The following SH3RF1 variants were observed in gnomAD, a reference collection of about 807,000 sequenced individuals.
SH3RF1 encodes SH3 domain containing ring finger 1, also known as E3 ubiquitin-protein ligase SH3RF1.
SH3RF1 carries 32 observed loss-of-function variants against 74.0 expected under a neutral mutation model. The observed-to-expected ratio is 0.43, with a 90% CI of 0.33 to 0.58. The LOEUF is 0.58. Among genes scored for constraint, SH3RF1 ranks in the 20% least tolerant of loss-of-function variants. The pLI, the probability that SH3RF1 is intolerant of heterozygous loss-of-function variation, is 0.05. For missense variants in SH3RF1, 954 were observed against 1,130.9 expected (o/e 0.84, Z 2.24); for synonymous variants, 396 against 439.6 (o/e 0.90, Z 1.24).
chr4:169,209,134 C>G (rs1181736878), intron 2 of SH3RF1, among the ~76,000 whole-genome samples: 1 of 151,858 alleles, frequency 6.6e-6, no homozygotes, highest in African/African-American at 2.4e-5. Context: ...ACTAAAAATA[C>G]AAAAATCAGC....
At chr4:169,213,247 A>G (rs545040080) in intron 2 of SH3RF1, among the ~76,000 whole-genome samples, 1 of 152,334 alleles carries the variant, frequency 6.6e-6, no homozygotes, top group South Asian at 2.1e-4. Flanking sequence ...ACCTGGTGGT[A>G]GCTCACTTTA....
chr4:169,131,759 G>T (rs944446140), intron 5 of SH3RF1, among the ~76,000 whole-genome samples: 7 of 151,776 alleles, frequency 4.6e-5, no homozygotes, highest in Admixed American at 3.9e-4. Context: ...TAACCAATCA[G>T]CCATTTGCAT....
At chr4:169,266,016 G>A (rs1731347352) in intron 2 of SH3RF1, among the ~76,000 whole-genome samples, 7 of 152,016 alleles carry the variant, frequency 4.6e-5, no homozygotes, top group Admixed American at 3.3e-4. Context: ...CTCTCCCTAT[G>A]GCTCATTCCA....
At chr4:169,171,435 T>G (rs949177618) in intron 2 of SH3RF1, among the ~76,000 whole-genome samples, 1 of 152,210 alleles carries the variant, frequency 6.6e-6, no homozygotes. Flanking sequence ...ACAGACCGTA[T>G]TCAGGCACAT....
intron 2 of SH3RF1, among the ~76,000 whole-genome samples, chr4:169,263,238 C>T (rs1489839850): frequency 1.3e-5 from 2 of 152,196 alleles, no homozygotes; most frequent in African/African-American, 2.4e-5. Flanking sequence ...TTTGACCATG[C>T]ACTTAATCCA....
intron 4 of SH3RF1, among the ~76,000 whole-genome samples, chr4:169,151,761 T>G (rs1733980352): frequency 6.6e-6 from 1 of 152,240 alleles, no homozygotes; most frequent in African/African-American, 2.4e-5. Context: ...ACTTTTTTGG[T>G]GTTGAAAAAC....
chr4:169,170,326 T>C (rs1266088835), intron 2 of SH3RF1, among the ~76,000 whole-genome samples: 1 of 152,194 alleles, frequency 6.6e-6, no homozygotes, highest in Non-Finnish European at 1.5e-5. Context: ...CAAGAGCCCA[T>C]GCGTGCACCT....
chr4:169,152,278 C>G (rs550981724), intron 4 of SH3RF1, among the ~76,000 whole-genome samples: 2 of 152,006 alleles, frequency 1.3e-5, no homozygotes, highest in Admixed American at 6.6e-5. Context: ...GCAAGAGAAC[C>G]CTTACCCTTA....
intron 6 of SH3RF1, among the ~76,000 whole-genome samples, chr4:169,128,885 C>T (rs1310322146): frequency 6.6e-6 from 1 of 152,232 alleles, no homozygotes; most frequent in Non-Finnish European, 1.5e-5. Context: ...CCAGGCCCAA[C>T]TTGCAACAGC....
rs559324215 is a variant in SH3RF1, at chr4:169,203,887, T to A, written c.394-47208A>T. On this transcript the variant is annotated intron_variant, in intron 2 of 11. Coordinates refer to ENST00000284637, the MANE Select transcript of SH3RF1 (RefSeq NM_020870.4). ...CACTGGTACTAAACAGATAGGGTTT[T>A]AAAGTCTGGTTGCACTACTAATTAG... 7.9e-5 allele frequency: 12 copies of A among 152,358 alleles called. No homozygotes were observed. In the South Asian group the frequency reaches 1.9e-3, roughly 24 times the overall value. The allele number at this position is 152,358 out of a possible 1,614,324, so 9.4% of individuals were successfully genotyped here. A position where few individuals can be genotyped will look rare whatever the true frequency, so the allele number is the denominator to read the frequency against.
chr4:169,103,519 T>A (rs145201422), intron 11 of SH3RF1, among the ~76,000 whole-genome samples: 13 of 152,352 alleles, frequency 8.5e-5, no homozygotes, highest in African/African-American at 3.1e-4. Context: ...TAAAAGTTAA[T>A]CTTTCCTTCA....
At chr4:169,210,114 A>G (rs769452674) in intron 2 of SH3RF1, among the ~76,000 whole-genome samples, 1 of 152,082 alleles carries the variant, frequency 6.6e-6, no homozygotes, top group Non-Finnish European at 1.5e-5. Flanking sequence ...CCATTTTATT[A>G]GTTCTCAAAC....
chr4:169,131,406 T>G (rs1167508006), intron 5 of SH3RF1, among the ~76,000 whole-genome samples: 2 of 152,212 alleles, frequency 1.3e-5, no homozygotes, highest in African/African-American at 4.8e-5. Flanking sequence ...AGACAGGGAC[T>G]CACTATGTCA....
At chr4:169,162,392 T>C (rs554395228) in intron 2 of SH3RF1, among the ~76,000 whole-genome samples, 56 of 152,314 alleles carry the variant, frequency 3.7e-4, no homozygotes, top group Admixed American at 7.2e-4. Context: ...CCAAGACGAA[T>C]ATTAAAGGTT....
At chr4:169,267,783 C>T (rs1731377660) in intron 2 of SH3RF1, among the ~76,000 whole-genome samples, 1 of 152,276 alleles carries the variant, frequency 6.6e-6, no homozygotes, top group East Asian at 1.9e-4. Context: ...TCCCAATGGG[C>T]AGTTCCTGTA....
chr4:169,227,290 T>C (rs1364865245), intron 2 of SH3RF1, among the ~76,000 whole-genome samples: 1 of 152,228 alleles, frequency 6.6e-6, no homozygotes, highest in Non-Finnish European at 1.5e-5. Context: ...CAAAAAACTC[T>C]GAATTAAACA....
rs559543197 is a variant in SH3RF1 at position 169,224,958 on chromosome 4, G to C, written c.393+43862C>G. ...TCTCATTCTGTAACAGGGTGCCCAA[G>C]GGTTTTATACTTTAAGCAGAGTAAT... On this transcript the variant is annotated intron_variant, in intron 2 of 11. Transcript: ENST00000284637. 3.9e-5 allele frequency among the ~76,000 whole-genome samples: 6 copies of C among 152,304 alleles called. No homozygotes were observed. The South Asian group carries it at 8.3e-4, about 21-fold the overall frequency.
At chr4:169,148,685 C>T (rs1579107181) in intron 4 of SH3RF1, among the ~76,000 whole-genome samples, 1 of 151,982 alleles carries the variant, frequency 6.6e-6, no homozygotes, top group Admixed American at 6.6e-5. Flanking sequence ...ATGGTACAAA[C>T]GGGGTACTGT....
chr4:169,208,582 G>C (rs1730301852), intron 2 of SH3RF1, among the ~76,000 whole-genome samples: 1 of 152,098 alleles, frequency 6.6e-6, no homozygotes, highest in Admixed American at 6.5e-5. Flanking sequence ...AAGGCAATTA[G>C]TCATCTTAGT....
Sources: allele counts gnomAD v4.1 joint callset (sites outside exome capture counted in the v4.1 genomes callset), GRCh38; gene constraint gnomAD v4.1.1; transcripts MANE v1.5; gene names NCBI Gene and HGNC (gene_info 2026-07-23, HGNC 2026-07-21).